The following PSMD10 variants were observed in gnomAD, a reference collection of about 807,000 sequenced individuals.
The protein encoded by PSMD10 is 26S proteasome non-ATPase regulatory subunit 10.
Under a neutral mutation model 13.2 loss-of-function variants are expected in PSMD10, and 2 were observed. The ratio of observed to expected loss-of-function variants is 0.15; its 90% CI spans 0.06 to 0.48. The LOEUF (loss-of-function observed/expected upper bound fraction) is 0.48. Ranked by LOEUF, PSMD10 falls within the 20% of genes least tolerant of loss-of-function variation. The pLI is 0.97. For synonymous variants in PSMD10, 66 were observed against 64.4 expected, an observed-to-expected ratio of 1.03 and a Z score of -0.12; for missense variants, 120 against 167.4, an observed-to-expected ratio of 0.72 and a Z score of 1.56.
Position 108,084,939 on chromosome X carries a change from A to C in PSMD10, c.*35T>G. On this transcript the variant is annotated 3_prime_UTR_variant, in exon 5 of 5. Coordinates refer to ENST00000217958, the MANE Select transcript of PSMD10 (RefSeq NM_002814.4). ...AGTTTGTAGGACACTGGGGACAACA[A>C]CACAACATACAAAGTAAGAATAAAT... The C allele has an allele frequency of 4.3e-6, 5 of 1,164,156 alleles. No homozygotes were observed. The highest frequency in any genetic ancestry group is 4.6e-6 in the Non-Finnish European group (4 of 871,341).
intron 2 of PSMD10, 108 bp from the exon 3 acceptor site, chrX:108,088,207 G>A: frequency 1.2e-6 from 1 of 811,435 alleles, no homozygotes; most frequent in Non-Finnish European, 1.7e-6. Context: ...AAAAATATTT[G>A]CCTACAAAAA....
chrX:108,091,507 A>G lies in PSMD10; in HGVS notation c.14T>C (p.Val5Ala), dbSNP rs1482852301. Residue 5 changes from valine to alanine, a missense_variant, in exon 1 of 5, where the codon GTG becomes GCG. By Grantham distance (64) the Val-to-Ala change is moderately conservative. Coordinates refer to ENST00000217958, the MANE Select transcript of PSMD10 (RefSeq NM_002814.4). MEGC[V>A]SNLMVCNLAY... is the part of the protein sequence containing the mutation. ...CAGGTTGCAGACCATTAGGTTAGAC[A>G]CACACCCCTCCATTTCGCTGTCCCA... is the stretch of plus-strand genomic sequence containing the variant. 7 of 1,211,060 alleles carry G rather than the reference A, an allele frequency of 5.8e-6. No individual in the cohort carries two copies. Among genetic ancestry groups the G allele is most frequent in the Non-Finnish European group, 7.8e-6 (7 of 894,479 alleles).
chrX:108,088,352 A>AT (rs2031523896), intron 2 of PSMD10: 2 of 358,695 alleles, frequency 5.6e-6, no homozygotes, highest in Non-Finnish European at 9.6e-6. Flanking sequence ...AAAATCCAAC[A>AT]TAATAGAAAG....
intron 1 of PSMD10, among the ~76,000 whole-genome samples, chrX:108,089,408 A>C (rs2031537321): frequency 8.9e-6 from 1 of 112,473 alleles, no homozygotes; most frequent in South Asian, 3.7e-4. Context: ...GAAGGAACAC[A>C]TGAATCTAAT....
intron 4 of PSMD10, among the ~76,000 whole-genome samples, chrX:108,086,417 T>C (rs1186884397): frequency 1.8e-5 from 2 of 112,375 alleles, no homozygotes; most frequent in Non-Finnish European, 3.8e-5. Flanking sequence ...GAAAGATGAA[T>C]GGGCTTGACT....
intron 4 of PSMD10, among the ~76,000 whole-genome samples, chrX:108,085,956 T>G (rs547797499): frequency 1.8e-5 from 2 of 112,220 alleles, no homozygotes; most frequent in South Asian, 7.5e-4. Context: ...GTCTGACTCC[T>G]AGATTTCCTC....
At chrX:108,089,839 A>T (rs1359586593) in intron 1 of PSMD10, among the ~76,000 whole-genome samples, 1 of 112,031 alleles carries the variant, frequency 8.9e-6, no homozygotes, top group Admixed American at 9.4e-5. Context: ...GTTTCAAAAA[A>T]TAAATAAATA....
chrX:108,089,786 C>T (rs1486506752), intron 1 of PSMD10, among the ~76,000 whole-genome samples: 1 of 110,857 alleles, frequency 9.0e-6, no homozygotes, highest in East Asian at 2.8e-4. Context: ...TGAGGTGATA[C>T]GGCACCACTG....
Position 108,084,859 on chromosome X carries a change from T to C in PSMD10, c.*115A>G. 1 of 866,534 alleles carries C rather than the reference T, an allele frequency of 1.2e-6. No individual in the cohort carries two copies. Among genetic ancestry groups the C allele is most frequent in the Non-Finnish European group, 1.6e-6 (1 of 638,746 alleles). The allele number at this position is 866,534 out of a possible 1,213,427, so 71.4% of individuals were successfully genotyped here. ...CAAGAGTCAACATGTTTATAAGACT[T>C]TGAAGGTGAGAAAACTTCATCATTC... On this transcript the variant is annotated 3_prime_UTR_variant, in exon 5 of 5. Coordinates refer to ENST00000217958, the MANE Select transcript of PSMD10 (RefSeq NM_002814.4).
chrX:108,089,048 T>C (rs920684833), intron 1 of PSMD10, among the ~76,000 whole-genome samples, 198 bp from the exon 2 acceptor site: 4 of 112,456 alleles, frequency 3.6e-5, no homozygotes, highest in African/African-American at 9.7e-5. Context: ...ATGACATTGA[T>C]GAACATACGT....
intron 1 of PSMD10, among the ~76,000 whole-genome samples, chrX:108,090,025 ACTG>A (rs2031557221): frequency 8.9e-6 from 1 of 111,975 alleles, no homozygotes; most frequent in Admixed American, 9.4e-5. Context: ...CCACAGGCCT[ACTG>A]CTTAGATTTA....
Position 108,086,561 on chromosome X carries a change from C to T in PSMD10, c.527+1125G>A, listed in dbSNP as rs768750425. The stretch of plus-strand genomic sequence containing the variant: ...CATGCCAAATCAAGAGCACTTAAAA[C>T]CCAGTGAAAATAAATTAATTCCCCA... On this transcript the variant is annotated intron_variant, in intron 4 of 4. Coordinates refer to ENST00000217958, the MANE Select transcript of PSMD10 (RefSeq NM_002814.4). Among the ~76,000 whole-genome samples the T allele has an allele frequency of 3.6e-5, 4 of 111,255 alleles. No homozygotes were observed. In the South Asian group the frequency reaches 1.5e-3, roughly 42 times the overall value.
Position 108,087,949 on chromosome X carries a change from A to C in PSMD10, c.360+4T>G, listed in dbSNP as rs1269688258. The C allele has an allele frequency of 4.1e-6, 5 of 1,210,312 alleles. No homozygotes were observed. The Admixed American group carries it at 1.1e-4, about 26-fold the overall frequency. ...AACAGAAGTAGCCTAGGATGGAACC[A>C]TACCTCATGCCTGTTTTTCGAAGCT... On this transcript the variant is annotated splice_donor_region_variant and intron_variant, in intron 3 of 4. Coordinates refer to ENST00000217958, the MANE Select transcript of PSMD10 (RefSeq NM_002814.4).
At chrX:108,089,617 C>T (rs1468923042) in intron 1 of PSMD10, among the ~76,000 whole-genome samples, 2 of 111,019 alleles carry the variant, frequency 1.8e-5, no homozygotes, top group Non-Finnish European at 3.8e-5. Flanking sequence ...GCAGATCACC[C>T]GAGGTCAGGA....
chrX:108,089,002 T>C (rs906763902), intron 1 of PSMD10, 152 bp from the exon 2 acceptor site: 1 of 360,669 alleles, frequency 2.8e-6, no homozygotes, highest in African/African-American at 2.6e-5. Context: ...TACTTACTGG[T>C]ATAAGACAGA....
At chrX:108,085,442 AAT>A (rs1279786189) in intron 4 of PSMD10, among the ~76,000 whole-genome samples, 2 of 112,775 alleles carry the variant, frequency 1.8e-5, no homozygotes, top group African/African-American at 3.2e-5. Context: ...CACTACATGT[AAT>A]AATTCAGGGT....
intron 4 of PSMD10, 54 bp downstream of exon 4, chrX:108,087,632 T>C: frequency 8.6e-7 from 1 of 1,164,611 alleles, no homozygotes; most frequent in South Asian, 2.0e-5. Flanking sequence ...ATAAGAATTA[T>C]TGCAAGAAGG....
Position 108,084,999 on chromosome X carries a change from A to G in PSMD10, c.656T>C (p.Ile219Thr), listed in dbSNP as rs1221170310. The change falls in exon 5 of 5, where the codon ATA becomes ACA. Residue 219 changes from isoleucine to threonine, a missense_variant. By Grantham distance (89) the Ile-to-Thr change is moderately conservative. Transcript: ENST00000217958. ...TTAACCTTCCACCATTCTCTTGAGT[A>G]TTAAACCCAGGCCACCTTTGGCCAC... ...LQVAKGGLGL[I>T]LKRMVEG The G allele has an allele frequency of 8.3e-7, 1 of 1,207,630 alleles. No individual in the cohort carries two copies. Among genetic ancestry groups the G allele is most frequent in the Admixed American group, 2.2e-5 (1 of 45,493 alleles).
intron 1 of PSMD10, among the ~76,000 whole-genome samples, chrX:108,091,094 A>T (rs2031600744): frequency 8.8e-6 from 1 of 113,619 alleles, no homozygotes; most frequent in Non-Finnish European, 1.9e-5. Flanking sequence ...GTTACTAGTA[A>T]AGGTAAATAA....
Sources: gnomAD v4.1 joint callset for allele counts (sites outside exome capture counted in the v4.1 genomes callset) on GRCh38, gnomAD v4.1.1 for gene constraint, MANE v1.5 for transcripts, NCBI Gene and HGNC (gene_info 2026-07-23, HGNC 2026-07-21) for gene names.